DTX4: variants seen among roughly 807,000 people sequenced by gnomAD.
DTX4 encodes E3 ubiquitin-protein ligase DTX4.
A neutral mutation model predicts 57.6 loss-of-function variants in DTX4; 28 were observed. That is an observed-to-expected ratio of 0.49 (90% CI 0.36 to 0.67). The LOEUF (loss-of-function observed/expected upper bound fraction) is 0.67. Ranked by LOEUF, DTX4 falls within the 30% of genes least tolerant of loss-of-function variation. The pLI is 0.00. For missense variants in DTX4, 715 were observed against 836.8 expected (o/e 0.85, Z 1.80); for synonymous variants, 316 against 331.0 (o/e 0.95, Z 0.49).
intron 2 of DTX4, among the ~76,000 whole-genome samples, chr11:59,186,092 C>T (rs1055723957): frequency 6.6e-6 from 1 of 152,144 alleles, no homozygotes; most frequent in Non-Finnish European, 1.5e-5. Flanking sequence ...CTCCCCAGAC[C>T]CCTCCTTCCC....
At position 59,199,909 on chromosome 11, in the gene DTX4, C is replaced by T. The variant is rs1312408463; in HGVS notation, c.1626+136C>T. 5 of 719,040 alleles carry T rather than the reference C, an allele frequency of 7.0e-6. No homozygotes were observed. The East Asian group carries it at 8.3e-5, about 12-fold the overall frequency. 44.5% of individuals were successfully genotyped at this position (719,040 alleles called of 1,614,324 possible). A position where few individuals can be genotyped will look rare whatever the true frequency, so the allele number is the denominator to read the frequency against. Reference sequence around the variant, plus strand: ...TGTGTCTCTTTTAAGTCTAGATGCACACAGTAACAAGGTCAAATTTGAGTC... The same window carrying T: ...TGTGTCTCTTTTAAGTCTAGATGCATACAGTAACAAGGTCAAATTTGAGTC... On this transcript the variant is annotated intron_variant, in intron 8 of 8. Coordinates refer to ENST00000227451, the MANE Select transcript of DTX4 (RefSeq NM_015177.2).
intron 2 of DTX4, among the ~76,000 whole-genome samples, chr11:59,187,064 CAGGCA>C (rs1565218018): frequency 2.0e-5 from 3 of 152,248 alleles, no homozygotes; most frequent in African/African-American, 7.2e-5. Context: ...ACCTTCCTTA[CAGGCA>C]TGAGGGGCAG....
At chr11:59,192,412 C>A (rs1371166066) in intron 6 of DTX4, among the ~76,000 whole-genome samples, 162 bp downstream of exon 6, 1 of 152,148 alleles carries the variant, frequency 6.6e-6, no homozygotes, top group Non-Finnish European at 1.5e-5. Flanking sequence ...AGGATCAGTT[C>A]TTTACTAAAT....
At chr11:59,178,162 A>G (rs77447235) in intron 1 of DTX4, among the ~76,000 whole-genome samples, 1 of 152,294 alleles carries the variant, frequency 6.6e-6, no homozygotes, top group African/African-American at 2.4e-5. Context: ...AGGAACCAGC[A>G]TTGTGAAGAG....
chr11:59,192,331 C>G (rs1442614775), intron 6 of DTX4, 81 bp downstream of exon 6: 5 of 1,528,730 alleles, frequency 3.3e-6, no homozygotes, highest in Middle Eastern at 1.7e-4. Context: ...CTTTAGGGCC[C>G]TTGCTCAAGT....
At chr11:59,194,815 C>A in intron 6 of DTX4, 1 of 243,110 alleles carries the variant, frequency 4.1e-6, no homozygotes, top group Non-Finnish European at 8.0e-6. Flanking sequence ...GATTAACAAG[C>A]TCTGTGGGTG....
chr11:59,185,158 G>T (rs949079941), intron 2 of DTX4: 2 of 152,224 alleles, frequency 1.3e-5, no homozygotes, highest in African/African-American at 4.8e-5. Flanking sequence ...GGGCTGTGCA[G>T]TGGAGGCAAG....
chr11:59,202,662 AG>A (rs1352636393), intron 8 of DTX4, among the ~76,000 whole-genome samples: 1 of 152,188 alleles, frequency 6.6e-6, no homozygotes, highest in Non-Finnish European at 1.5e-5. Context: ...GGAGTCAGGC[AG>A]TCCTGAAATC....
rs558443267 is a variant in DTX4 at position 59,181,836 on chromosome 11, G to C, written c.309G>C (p.Thr103=). 3 of 1,613,960 alleles carry C rather than the reference G, an allele frequency of 1.9e-6. No homozygotes were observed. Among genetic ancestry groups the C allele is most frequent in the East Asian group, 2.2e-5 (1 of 44,880 alleles). ...WEWENDNGSW[T]PYDMEVGITI... is the part of the protein sequence containing the mutation. ...GGGAGAACGACAATGGCTCCTGGAC[G>C]CCCTACGACATGGAAGTGGGCATCA... The change falls in exon 2 of 9, where the codon ACG becomes ACC. Residue 103 remains threonine, a synonymous_variant. Transcript: ENST00000227451.
intron 8 of DTX4, among the ~76,000 whole-genome samples, chr11:59,202,887 A>G (rs556369753): frequency 6.6e-6 from 1 of 152,374 alleles, no homozygotes; most frequent in African/African-American, 2.4e-5. Flanking sequence ...CCTATTACAC[A>G]GCTAGGCAAT....
At chr11:59,181,177 C>T (rs1862457798) in intron 1 of DTX4, among the ~76,000 whole-genome samples, 1 of 152,132 alleles carries the variant, frequency 6.6e-6, no homozygotes, top group South Asian at 2.1e-4. Context: ...TGACTCTTGG[C>T]ACAAGAGCAT....
intron 1 of DTX4, among the ~76,000 whole-genome samples, chr11:59,177,223 G>A (rs957504756): frequency 6.6e-6 from 1 of 152,144 alleles, no homozygotes; most frequent in Admixed American, 6.5e-5. Flanking sequence ...CACCACTCAA[G>A]GTGGCCATTC....
chr11:59,177,530 A>G (rs887033343), intron 1 of DTX4, among the ~76,000 whole-genome samples: 1 of 152,094 alleles, frequency 6.6e-6, no homozygotes, highest in Non-Finnish European at 1.5e-5. Flanking sequence ...CTCTTCATTG[A>G]TTACAAATTA....
intron 2 of DTX4, among the ~76,000 whole-genome samples, chr11:59,183,594 A>G (rs1862492840): frequency 6.6e-6 from 1 of 152,030 alleles, no homozygotes; most frequent in South Asian, 2.1e-4. Context: ...GATGGTTTTC[A>G]ATTGCATTGG....
chr11:59,176,667 C>T (rs1383934104), intron 1 of DTX4, among the ~76,000 whole-genome samples: 1 of 152,192 alleles, frequency 6.6e-6, no homozygotes, highest in African/African-American at 2.4e-5. Flanking sequence ...TGTAACATGC[C>T]CCAGAGACCT....
At chr11:59,179,530 A>C (rs761796219) in intron 1 of DTX4, among the ~76,000 whole-genome samples, 6 of 152,192 alleles carry the variant, frequency 3.9e-5, no homozygotes, top group Middle Eastern at 6.8e-3. Flanking sequence ...AAAGCCCCAG[A>C]CTCAGCCACA....
chr11:59,173,892 AG>A (rs1862361352), intron 1 of DTX4, among the ~76,000 whole-genome samples: 1 of 151,876 alleles, frequency 6.6e-6, no homozygotes, highest in African/African-American at 2.4e-5. Flanking sequence ...ACAGGTGGGG[AG>A]GGGGCCATTG....
At chr11:59,199,546 G>T (rs1042563697) in intron 7 of DTX4, 138 bp from the exon 8 acceptor site, 2 of 698,050 alleles carry the variant, frequency 2.9e-6, no homozygotes, top group African/African-American at 3.6e-5. Flanking sequence ...CACTCACAGT[G>T]CTTTTTGGGT....
chr11:59,201,454 G>A (rs373880254), intron 8 of DTX4, among the ~76,000 whole-genome samples: 114 of 152,282 alleles, frequency 7.5e-4, no homozygotes, highest in African/African-American at 2.6e-3. Flanking sequence ...GAACCCAAGC[G>A]GAAGTGTGTA....
Sources: gnomAD v4.1 joint callset for allele counts (sites outside exome capture counted in the v4.1 genomes callset) on GRCh38, gnomAD v4.1.1 for gene constraint, MANE v1.5 for transcripts, NCBI Gene and HGNC (gene_info 2026-07-23, HGNC 2026-07-21) for gene names.